ARHGEF10L: variants seen among roughly 807,000 people sequenced by gnomAD.
ARHGEF10L encodes Rho guanine nucleotide exchange factor 10 like.
Under a neutral mutation model 141.2 loss-of-function variants are expected in ARHGEF10L, and 69 were observed. That is an observed-to-expected ratio of 0.49 (90% CI 0.40 to 0.60). The LOEUF (loss-of-function observed/expected upper bound fraction) is 0.60, where lower values mean the gene tolerates loss of function less well. Ranked by LOEUF, ARHGEF10L falls within the 20% of genes least tolerant of loss-of-function variation. ARHGEF10L has a pLI of 0.00. For synonymous variants in ARHGEF10L, 711 were observed against 718.5 expected (o/e 0.99, Z 0.17); for missense variants, 1,482 against 1,734.3 (o/e 0.85, Z 2.58).
intron 27 of ARHGEF10L, chr1:17,694,877 G>C (rs1391180855): frequency 1.6e-6 from 1 of 610,518 alleles, no homozygotes; most frequent in Admixed American, 2.1e-5. Flanking sequence ...CACAGACCAG[G>C]CGCTGTGCCT....
intron 4 of ARHGEF10L, among the ~76,000 whole-genome samples, chr1:17,595,880 C>T (rs549795661): frequency 5.9e-5 from 9 of 152,268 alleles, no homozygotes; most frequent in South Asian, 2.1e-4. Context: ...AACTGAGGCA[C>T]GGAGAAATGC....
At chr1:17,668,939 C>T (rs1456554102) in intron 26 of ARHGEF10L, among the ~76,000 whole-genome samples, 4 of 152,204 alleles carry the variant, frequency 2.6e-5, no homozygotes, top group African/African-American at 9.6e-5. Context: ...CGGCTCCACG[C>T]TCACCACAGT....
chr1:17,572,069 C>A (rs556333737), intron 1 of ARHGEF10L, among the ~76,000 whole-genome samples: 19 of 152,336 alleles, frequency 1.2e-4, no homozygotes, highest in African/African-American at 4.3e-4. Context: ...GCAGGTAATT[C>A]CGCTCAGAAA....
chr1:17,648,055 C>T (rs1197145884), intron 21 of ARHGEF10L, among the ~76,000 whole-genome samples: 2 of 152,190 alleles, frequency 1.3e-5, no homozygotes, highest in African/African-American at 4.8e-5. Context: ...CCATCACCAC[C>T]ATGGTCAAGT....
chr1:17,697,620 G>A lies in ARHGEF10L; in HGVS notation c.*240G>A. 1.5e-6 allele frequency: 1 copy of A among 664,058 alleles called. No individual in the cohort carries two copies. Among genetic ancestry groups the A allele is most frequent in the Non-Finnish European group, 2.8e-6 (1 of 363,540 alleles). 41.1% of individuals were successfully genotyped at this position (664,058 alleles called of 1,614,324 possible). A position where few individuals can be genotyped will look rare whatever the true frequency, so the allele number is the denominator to read the frequency against. ...GGAGGAAATGGCCTTCTTTTTAAAA[G>A]CAAAAAACACAAAACCTCACAACTG... On this transcript the variant is annotated 3_prime_UTR_variant, in exon 29 of 29. Transcript: ENST00000361221. This position sits in a 1 kb window ranked among gnomAD's most constrained non-coding sequence, Gnocchi z 4.8.
chr1:17,637,873 C>T lies in ARHGEF10L; in HGVS notation c.1928-15C>T. ...CGCCTTCACCTGTGCCTGAGTTGGTCTCTTCTCTGCCCAGATAAGGTGTAC... is the reference window on the plus strand; with the variant it reads ...CGCCTTCACCTGTGCCTGAGTTGGTTTCTTCTCTGCCCAGATAAGGTGTAC... On this transcript the variant is annotated splice_polypyrimidine_tract_variant and intron_variant, in intron 18 of 28. Coordinates refer to ENST00000361221, the MANE Select transcript of ARHGEF10L (RefSeq NM_018125.4). 6.4e-7 allele frequency: 1 copy of T among 1,568,712 alleles called. No homozygotes were observed. Among genetic ancestry groups the T allele is most frequent in the Admixed American group, 1.9e-5 (1 of 53,248 alleles).
At chr1:17,636,460 T>C (rs1231858997) in intron 18 of ARHGEF10L, among the ~76,000 whole-genome samples, 1 of 152,168 alleles carries the variant, frequency 6.6e-6, no homozygotes, top group Admixed American at 6.5e-5. Flanking sequence ...ACAGCATTAA[T>C]GTAATGTGAT....
chr1:17,623,313 T>G lies in ARHGEF10L; in HGVS notation c.1200+138T>G. 1 of 1,050,986 alleles carries G rather than the reference T, an allele frequency of 9.5e-7. No homozygotes were observed. Among genetic ancestry groups the G allele is most frequent in the South Asian group, 1.6e-5 (1 of 61,104 alleles). 65.1% of individuals were successfully genotyped at this position (1,050,986 alleles called of 1,614,324 possible). On this transcript the variant is annotated intron_variant, in intron 12 of 28. Coordinates refer to ENST00000361221, the MANE Select transcript of ARHGEF10L (RefSeq NM_018125.4). The surrounding 1 kb of genome is among the most constrained non-coding windows in gnomAD (Gnocchi z 4.7). ...AGTGGGATTAGAGGGTGGCAGGGTC[T>G]TCTGGGCCTGATCTAGGGGTGAGTG... is the stretch of plus-strand genomic sequence containing the variant.
intron 18 of ARHGEF10L, among the ~76,000 whole-genome samples, chr1:17,637,032 T>C (rs2061043708): frequency 6.6e-6 from 1 of 152,028 alleles, no homozygotes; most frequent in Non-Finnish European, 1.5e-5. Flanking sequence ...CCCATCACTG[T>C]CCCACCACAC....
chr1:17,576,347 A>G (rs1317731767), intron 1 of ARHGEF10L, among the ~76,000 whole-genome samples: 2 of 151,968 alleles, frequency 1.3e-5, no homozygotes, highest in Non-Finnish European at 2.9e-5. Context: ...AGCTGAGGGC[A>G]GAGGGAGGTG....
intron 21 of ARHGEF10L, among the ~76,000 whole-genome samples, chr1:17,646,689 G>A (rs1164719305): frequency 6.6e-6 from 1 of 152,096 alleles, no homozygotes. Context: ...GACAGGTGGT[G>A]GAGGCCAGGG....
chr1:17,675,976 G>T (rs1470060915), intron 26 of ARHGEF10L, among the ~76,000 whole-genome samples: 2 of 150,158 alleles, frequency 1.3e-5, no homozygotes, highest in Non-Finnish European at 3.0e-5. Flanking sequence ...GTGTGCAAGT[G>T]TGGGTGCAGG....
chr1:17,540,473 G>A (rs1327502566), intron 1 of ARHGEF10L, among the ~76,000 whole-genome samples: 2 of 152,076 alleles, frequency 1.3e-5, no homozygotes, highest in Non-Finnish European at 2.9e-5. Context: ...CGGGTCAGCC[G>A]GAGGCCGTGG....
chr1:17,583,006 A>G (rs4920378), intron 2 of ARHGEF10L, among the ~76,000 whole-genome samples: 141,618 of 150,244 alleles, frequency 0.94, 66,771 homozygotes, highest in Admixed American at 0.96. Context: ...CTTGAGCTCC[A>G]GAGTTTGAGA....
chr1:17,580,874 C>T (rs375934837), intron 2 of ARHGEF10L, among the ~76,000 whole-genome samples: 14 of 152,276 alleles, frequency 9.2e-5, no homozygotes, highest in South Asian at 8.3e-4. Context: ...CCCTGAGATC[C>T]GCCGGAGAGG....
Position 17,574,714 on chromosome 1 carries a change from A to G in ARHGEF10L, c.-43-5839A>G, listed in dbSNP as rs182574210. Among the ~76,000 whole-genome samples the G allele has an allele frequency of 1.1e-3, 168 of 152,194 alleles. 2 individuals are homozygous for G. Among genetic ancestry groups the G allele is most frequent in the Middle Eastern group, 6.8e-3 (2 of 294 alleles). ...GCTCTGCCTGTGTTTTCTTGAAGGC[A>G]GCTCCTCTCTCCCCATCCCGGACTC... On this transcript the variant is annotated intron_variant, in intron 1 of 28. Transcript: ENST00000361221.
chr1:17,543,793 G>A (rs188678776), intron 1 of ARHGEF10L, among the ~76,000 whole-genome samples: 2 of 151,320 alleles, frequency 1.3e-5, no homozygotes, highest in South Asian at 2.1e-4. Context: ...AATTACAGGT[G>A]CCTGCCACCA....
intron 7 of ARHGEF10L, among the ~76,000 whole-genome samples, chr1:17,608,374 TC>T (rs2101044239): frequency 6.6e-6 from 1 of 152,268 alleles, no homozygotes; most frequent in African/African-American, 2.4e-5. Flanking sequence ...CCACTTGCTC[TC>T]CCCGCCTTCT....
the ARHGEF10L span, among the ~76,000 whole-genome samples, chr1:17,520,629 G>A: frequency 2.0e-5 from 3 of 152,196 alleles, no homozygotes; most frequent in African/African-American, 7.2e-5. Context: ...ACCTTGGGAT[G>A]GACTCTGTGA....
Sources: allele counts gnomAD v4.1 joint callset (sites outside exome capture counted in the v4.1 genomes callset), GRCh38; gene constraint gnomAD v4.1.1; non-coding constraint Gnocchi (gnomAD v3.1); transcripts MANE v1.5; gene names NCBI Gene and HGNC (gene_info 2026-07-23, HGNC 2026-07-21).